Variants in METTL14 observed in about 807,000 individuals in gnomAD.
METTL14 encodes the protein methyltransferase 14, N6-adenosine-methyltransferase non-catalytic subunit, also known as N(6)-adenosine-methyltransferase non-catalytic subunit METTL14.
A neutral mutation model predicts 62.4 loss-of-function variants in METTL14; 32 were observed. The observed-to-expected ratio is 0.51, with a 90% CI of 0.39 to 0.69. The LOEUF (loss-of-function observed/expected upper bound fraction) is 0.69. Ranked by LOEUF, METTL14 falls within the 30% of genes least tolerant of loss-of-function variation. The pLI, the probability that METTL14 is intolerant of heterozygous loss-of-function variation, is 0.00. For missense variants in METTL14, 340 were observed against 551.9 expected (o/e 0.62, Z 3.85); for synonymous variants, 150 against 180.0 (o/e 0.83, Z 1.34).
At chr4:118,707,272 A>G (rs1258324515) in intron 10 of METTL14, among the ~76,000 whole-genome samples, 1 of 152,208 alleles carries the variant, frequency 6.6e-6, no homozygotes, top group Non-Finnish European at 1.5e-5. Context: ...TATTAGCTAC[A>G]TGCAAATAAG....
intron 6 of METTL14, among the ~76,000 whole-genome samples, chr4:118,696,117 CAAAAAAAAA>C (rs70941201): frequency 0.017 from 570 of 33,898 alleles, 12 homozygotes; most frequent in Middle Eastern, 0.075. Context: ...GACTCTGTCT[CAAAAAAAAA>C]AAAAAAAAAA....
intron 1 of METTL14, 100 bp from the exon 2 acceptor site, chr4:118,687,823 T>G: frequency 1.2e-6 from 1 of 818,556 alleles, no homozygotes; most frequent in Non-Finnish European, 2.0e-6. Context: ...ATTAAGGTGT[T>G]TTTGTTTTTT....
chr4:118,697,194 C>A lies in METTL14; in HGVS notation c.516C>A (p.Ala172=). The A allele has an allele frequency of 6.3e-7, 1 of 1,597,170 alleles. No homozygotes were observed. Among genetic ancestry groups the A allele is most frequent in the Non-Finnish European group, 8.5e-7 (1 of 1,174,944 alleles). ...KSNTPPMYLQ[A]DIEAFDIREL... Reference sequence around the variant, plus strand: ...TTTAATCAAATAGGTACTTACAAGCCGATATAGAAGCCTTTGACATCAGAG... The same window carrying A: ...TTTAATCAAATAGGTACTTACAAGCAGATATAGAAGCCTTTGACATCAGAG... The change falls in exon 7 of 11, where the codon GCC becomes GCA. Residue 172 remains alanine (A), a synonymous_variant. Coordinates refer to ENST00000388822, the MANE Select transcript of METTL14 (RefSeq NM_020961.4).
chr4:118,694,647 T>C, intron 6 of METTL14, 121 bp downstream of exon 6: 1 of 720,192 alleles, frequency 1.4e-6, no homozygotes, highest in South Asian at 1.8e-5. Flanking sequence ...GCTTTATTAC[T>C]CTGTTTCTTC....
Position 118,698,967 on chromosome 4 carries a change from G to A in METTL14, c.646-1583G>A, listed in dbSNP as rs572736721. On this transcript the variant is annotated intron_variant, in intron 7 of 10. Coordinates refer to ENST00000388822, the MANE Select transcript of METTL14 (RefSeq NM_020961.4). ...AGCCGGGAAAACATTTACATTTAAA[G>A]ACTACATATAAAAGAAATTTAAAAA... is the stretch of plus-strand genomic sequence containing the variant. 4.6e-5 allele frequency among the ~76,000 whole-genome samples: 7 copies of A among 152,234 alleles called. No homozygotes were observed. The South Asian group carries it at 6.2e-4, about 14-fold the overall frequency.
chr4:118,711,010 T>C lies in METTL14; in HGVS notation c.*708T>C, dbSNP rs1313746163. Reference sequence around the variant, plus strand: ...CCTAAGAAGCAAAGGAGGACAAATATTCATGTGCTAGATAGCACTGTGGTG... The same window carrying C: ...CCTAAGAAGCAAAGGAGGACAAATACTCATGTGCTAGATAGCACTGTGGTG... On this transcript the variant is annotated 3_prime_UTR_variant, in exon 11 of 11. Transcript: ENST00000388822. The C allele has an allele frequency of 2.0e-5, 3 of 152,158 alleles. No individual in the cohort carries two copies. The highest frequency in any genetic ancestry group is 4.8e-5 in the African/African-American group (2 of 41,454). 9.4% of individuals were successfully genotyped at this position (152,158 alleles called of 1,614,324 possible).
chr4:118,714,132 A>G lies in METTL14; in HGVS notation c.*3830A>G, dbSNP rs1377242407. The G allele has an allele frequency of 6.6e-6, 1 of 152,234 alleles. No individual in the cohort carries two copies. Among genetic ancestry groups the G allele is most frequent in the Non-Finnish European group, 1.5e-5 (1 of 68,038 alleles). The allele number at this position is 152,234 out of a possible 1,614,324, so 9.4% of individuals were successfully genotyped here. A position where few individuals can be genotyped will look rare whatever the true frequency, so the allele number is the denominator to read the frequency against. On this transcript the variant is annotated 3_prime_UTR_variant, in exon 11 of 11. Coordinates refer to ENST00000388822, the MANE Select transcript of METTL14 (RefSeq NM_020961.4). ...AAAATGCATATGGGACTCTATATTA[A>G]TAGAGAAGCAGGCCAAGAACTTTTT...
intron 1 of METTL14, chr4:118,686,565 C>G (rs907541232): frequency 6.6e-6 from 3 of 456,072 alleles, no homozygotes; most frequent in Non-Finnish European, 1.3e-5. Flanking sequence ...TGGAATATGG[C>G]TAAAACCGTG....
rs528021512 is a variant in METTL14 at position 118,701,446 on chromosome 4, A to G, written c.738+804A>G. Among the ~76,000 whole-genome samples the G allele has an allele frequency of 6.6e-5, 10 of 152,024 alleles. No homozygotes were observed. In the East Asian group the frequency reaches 1.9e-3, roughly 29 times the overall value. ...AGGGATCCTCCCACCTCAGCCTCCC[A>G]AAGTGTTAGGATTACAGGCATGAGC... On this transcript the variant is annotated intron_variant, in intron 8 of 10. Transcript: ENST00000388822.
At position 118,710,463 on chromosome 4, in the gene METTL14, C is replaced by A; in HGVS notation, c.*161C>A. 1.5e-6 allele frequency: 1 copy of A among 681,364 alleles called. No individual in the cohort carries two copies. The highest frequency in any genetic ancestry group is 2.8e-5 in the East Asian group (1 of 36,246). 42.2% of individuals were successfully genotyped at this position (681,364 alleles called of 1,614,324 possible). ...TAGCGAGCCTTGCTTGCAGTTGTCA[C>A]ACACACTGTCTGGTTTTTTTCAGGA... On this transcript the variant is annotated 3_prime_UTR_variant, in exon 11 of 11. Transcript: ENST00000388822.
At chr4:118,686,167 T>TAA (rs1235161869) in intron 1 of METTL14, among the ~76,000 whole-genome samples, 1 of 152,214 alleles carries the variant, frequency 6.6e-6, no homozygotes, top group Non-Finnish European at 1.5e-5. Flanking sequence ...ACAGGTATTA[T>TAA]TACCTTCACT....
chr4:118,708,893 G>T (rs1447815587), intron 10 of METTL14, among the ~76,000 whole-genome samples: 1 of 152,170 alleles, frequency 6.6e-6, no homozygotes, highest in Non-Finnish European at 1.5e-5. Context: ...CACACCCAAA[G>T]AACCCCAGAG....
chr4:118,686,437 G>A (rs1354452147), intron 1 of METTL14: 6 of 360,992 alleles, frequency 1.7e-5, no homozygotes, highest in African/African-American at 8.5e-5. Context: ...AAAAGTGATA[G>A]GAGCAATGCT....
chr4:118,705,765 T>C lies in METTL14; in HGVS notation c.1010T>C (p.Phe337Ser). The C allele has an allele frequency of 6.2e-7, 1 of 1,614,168 alleles. No homozygotes were observed. The highest frequency in any genetic ancestry group is 8.5e-7 in the Non-Finnish European group (1 of 1,180,012). The change falls in exon 10 of 11, where the codon TTT becomes TCT. Residue 337 changes from phenylalanine (F) to serine (S), a missense_variant. Phe to Ser is a radical substitution (Grantham distance 155, BLOSUM62 -2). Transcript: ENST00000388822. Reference protein sequence around the residue: ...PVEIFHIIEHFCLGRRRLHLF... With the variant: ...PVEIFHIIEHSCLGRRRLHLF... ...GAAATTTTTCATATAATTGAGCATTTTTGTCTTGGTAGAAGACGCCTTCAT... is the reference window on the plus strand; with the variant it reads ...GAAATTTTTCATATAATTGAGCATTCTTGTCTTGGTAGAAGACGCCTTCAT...
At chr4:118,697,053 A>G (rs184442449) in intron 6 of METTL14, 129 bp from the exon 7 acceptor site, 84 of 650,180 alleles carry the variant, frequency 1.3e-4, no homozygotes, top group African/African-American at 1.3e-3. Flanking sequence ...TACTTTGTAA[A>G]TAGTGTTTAG....
chr4:118,707,021 C>T (rs772687120), intron 10 of METTL14, among the ~76,000 whole-genome samples: 6 of 152,038 alleles, frequency 3.9e-5, no homozygotes, highest in African/African-American at 9.7e-5. Flanking sequence ...TTCTCTTATT[C>T]GGTGACTGTC....
intron 1 of METTL14, among the ~76,000 whole-genome samples, chr4:118,687,195 G>A (rs1198070157): frequency 6.6e-6 from 1 of 152,066 alleles, no homozygotes; most frequent in African/African-American, 2.4e-5. Flanking sequence ...AAGTGTTTTG[G>A]ATTTCAGATT....
chr4:118,689,352 T>G lies in METTL14; in HGVS notation c.156-18T>G. 3 of 1,432,456 alleles carry G rather than the reference T, an allele frequency of 2.1e-6. No individual in the cohort carries two copies. Among genetic ancestry groups the G allele is most frequent in the Non-Finnish European group, 2.9e-6 (3 of 1,032,678 alleles). 88.7% of individuals were successfully genotyped at this position (1,432,456 alleles called of 1,614,324 possible). ...ATCTTGTATATATTTATGGGTAATA[T>G]TTCTGTTTATTTTTCAGGGCTTCCT... On this transcript the variant is annotated intron_variant, in intron 2 of 10. Coordinates refer to ENST00000388822, the MANE Select transcript of METTL14 (RefSeq NM_020961.4).
chr4:118,710,053 T>G lies in METTL14; in HGVS notation c.1122T>G (p.Tyr374Ter). 2.5e-6 allele frequency: 4 copies of G among 1,614,196 alleles called. No individual in the cohort carries two copies. Among genetic ancestry groups the G allele is most frequent in the Non-Finnish European group, 3.4e-6 (4 of 1,180,010 alleles). ...LTNSNYNAET[Y>*]ASYFSAPNSY... ...ATAGCAACTACAATGCAGAAACATA[T>G]GCATCCTATTTCAGTGCTCCTAATT... The change falls in exon 11 of 11, where the codon TAT becomes TAG. Residue 374 changes from tyrosine to a stop codon, truncating the protein, a stop_gained. Coordinates refer to ENST00000388822, the MANE Select transcript of METTL14 (RefSeq NM_020961.4). LOFTEE classifies it high-confidence loss of function.
Sources: gnomAD v4.1 joint callset for allele counts (sites outside exome capture counted in the v4.1 genomes callset) on GRCh38, gnomAD v4.1.1 for gene constraint, MANE v1.5 for transcripts, NCBI Gene and HGNC (gene_info 2026-07-23, HGNC 2026-07-21) for gene names.